The following MYOM1 variants were observed in gnomAD, a reference collection of about 807,000 sequenced individuals.
MYOM1 encodes the protein myomesin 1.
MYOM1 carries 164 observed loss-of-function variants against 205.3 expected under a neutral mutation model. The ratio of observed to expected loss-of-function variants is 0.80; its 90% CI spans 0.70 to 0.91. The LOEUF is 0.91. MYOM1 is among the 40% of genes least tolerant of loss of function. The pLI, the probability that MYOM1 is intolerant of heterozygous loss-of-function variation, is 0.00. For missense variants in MYOM1, 2,011 were observed against 2,127.3 expected, an observed-to-expected ratio of 0.95 and a Z score of 1.08; for synonymous variants, 772 against 789.4, an observed-to-expected ratio of 0.98 and a Z score of 0.37.
intron 2 of MYOM1, among the ~76,000 whole-genome samples, chr18:3,214,723 G>A (rs1275331263): frequency 1.3e-5 from 2 of 152,130 alleles, no homozygotes; most frequent in Non-Finnish European, 2.9e-5. Context: ...CTCGGGAGGC[G>A]GAGGCAGGAG....
In MYOM1 at chr18:3,215,175, A is replaced by C; in HGVS notation, c.49T>G (p.Tyr17Asp). 4.3e-6 allele frequency: 7 copies of C among 1,613,448 alleles called. No homozygotes were observed. ...GTGCTGCGCACGTCCTTGTTGCGGT[A>C]GCTGAGATCATAGTGCTGGTGGCAC... ...QRCHQHYDLS[Y>D]RNKDVRSTVS... Residue 17 changes from tyrosine (Y) to aspartate (D), a missense_variant, in exon 2 of 38, where the codon TAC (tyrosine) becomes GAC (aspartate). Transcript: ENST00000356443.
chr18:3,135,444 T>C lies in MYOM1; in HGVS notation c.2209+103A>G, dbSNP rs187990318. 4.7e-5 allele frequency: 47 copies of C among 1,006,728 alleles called. No homozygotes were observed. In the African/African-American group the frequency reaches 6.0e-4, roughly 13 times the overall value. 62.4% of individuals were successfully genotyped at this position (1,006,728 alleles called of 1,614,324 possible). A position where few individuals can be genotyped will look rare whatever the true frequency, so the allele number is the denominator to read the frequency against. ...ACAGCCATCGAGTAAATTTATAATATGAAAGAAGGATGTCACCATTTTTAC... is the reference window on the plus strand; with the variant it reads ...ACAGCCATCGAGTAAATTTATAATACGAAAGAAGGATGTCACCATTTTTAC... On this transcript the variant is annotated intron_variant, in intron 15 of 37. Coordinates refer to ENST00000356443, the MANE Select transcript of MYOM1 (RefSeq NM_003803.4). This position sits in a 1 kb window ranked among gnomAD's most constrained non-coding sequence, Gnocchi z 4.1.
In MYOM1 at chr18:3,119,890, C is replaced by CT; in HGVS notation, c.3096dup (p.Glu1033ArgfsTer16). The CT allele has an allele frequency of 6.2e-7, 1 of 1,611,108 alleles. No homozygotes were observed. The highest frequency in any genetic ancestry group is 8.5e-7 in the Non-Finnish European group (1 of 1,178,186). Reference sequence around the variant, plus strand: ...TTACCTGGGACGGCGATGGTCCACTCTTCACATTTGAAGCATTCGCTTACT... The same window carrying CT: ...TTACCTGGGACGGCGATGGTCCACTCTTTCACATTTGAAGCATTCGCTTACT... On this transcript the variant is annotated frameshift_variant, in exon 20 of 38. Transcript: ENST00000356443. LOFTEE classifies it high-confidence loss of function.
the MYOM1 span, among the ~76,000 whole-genome samples, chr18:3,225,066 C>A: frequency 1.3e-5 from 2 of 152,198 alleles, no homozygotes; most frequent in South Asian, 4.1e-4. Flanking sequence ...CAGCTCACTG[C>A]AAGCTCCACC....
rs187298227 is a variant in MYOM1, at chr18:3,185,473, C to T, written c.929+2007G>A. 7.9e-5 allele frequency among the ~76,000 whole-genome samples: 12 copies of T among 152,104 alleles called. No homozygotes were observed. In the East Asian group the frequency reaches 2.3e-3, roughly 29 times the overall value. The stretch of plus-strand genomic sequence containing the variant: ...ATTCATGAAAGAAGAAATATTTTTA[C>T]TAATATTTCTTGCAGCCAAAAATTT... On this transcript the variant is annotated intron_variant, in intron 5 of 37. Coordinates refer to ENST00000356443, the MANE Select transcript of MYOM1 (RefSeq NM_003803.4).
At chr18:3,193,323 C>T (rs28411012) in intron 3 of MYOM1, among the ~76,000 whole-genome samples, 3 of 144,666 alleles carry the variant, frequency 2.1e-5, no homozygotes, top group Admixed American at 6.9e-5. Context: ...TGTATATGTA[C>T]ATATACATAT....
intron 9 of MYOM1, among the ~76,000 whole-genome samples, chr18:3,164,844 G>C (rs981580878): frequency 3.3e-5 from 5 of 152,100 alleles, no homozygotes; most frequent in Non-Finnish European, 7.4e-5. Context: ...ATAATAATAC[G>C]TTACTAGTAG....
At chr18:3,238,954 G>A in the MYOM1 span, among the ~76,000 whole-genome samples, 2 of 152,132 alleles carry the variant, frequency 1.3e-5, no homozygotes, top group Non-Finnish European at 2.9e-5. Context: ...TTGTGGCAAC[G>A]CTGGGTATAC....
intron 5 of MYOM1, among the ~76,000 whole-genome samples, chr18:3,185,107 G>T (rs61266173): frequency 0.013 from 1,928 of 152,188 alleles, 37 homozygotes; most frequent in African/African-American, 0.044. Flanking sequence ...CATTCTTTTT[G>T]TTTTTGTTTT....
chr18:3,164,970 A>G (rs1024675102), intron 9 of MYOM1, among the ~76,000 whole-genome samples: 6 of 152,354 alleles, frequency 3.9e-5, no homozygotes, highest in South Asian at 2.1e-4. Context: ...CAAAAGCAAC[A>G]TCAGTAACTA....
chr18:3,101,989 ATTTTTTTTTTTTTT>A (rs35882298), intron 23 of MYOM1, among the ~76,000 whole-genome samples: 2 of 55,830 alleles, frequency 3.6e-5, no homozygotes, highest in African/African-American at 1.7e-4. Flanking sequence ...TCAGTCTGGG[ATTTTTTTTTTTTTT>A]TTTTTTTTTT....
At chr18:3,144,444 C>G (rs1201739738) in intron 13 of MYOM1, among the ~76,000 whole-genome samples, 1 of 151,700 alleles carries the variant, frequency 6.6e-6, no homozygotes. Context: ...TAGATGGAAA[C>G]CAAATAGCAA....
At chr18:3,089,445 T>C in intron 28 of MYOM1, 92 bp downstream of exon 28, 1 of 963,206 alleles carries the variant, frequency 1.0e-6, no homozygotes, top group African/African-American at 1.7e-5. Flanking sequence ...ACATAATCAA[T>C]AATATTCATT....
intron 10 of MYOM1, among the ~76,000 whole-genome samples, chr18:3,162,076 A>AGT (rs1287572395): frequency 5.9e-5 from 9 of 152,180 alleles, no homozygotes; most frequent in Non-Finnish European, 1.3e-4. Context: ...GACTCTATTT[A>AGT]GTGTAAGAGA....
chr18:3,201,560 G>A (rs1304275374), intron 2 of MYOM1, among the ~76,000 whole-genome samples: 2 of 151,488 alleles, frequency 1.3e-5, no homozygotes, highest in South Asian at 4.2e-4. Flanking sequence ...ATGTATATAA[G>A]TTTATACACA....
chr18:3,239,309 C>CAGAT, the MYOM1 span, among the ~76,000 whole-genome samples: 3 of 152,124 alleles, frequency 2.0e-5, no homozygotes, highest in Non-Finnish European at 4.4e-5. Context: ...TGCATGAAGA[C>CAGAT]AGATGTTGGC....
chr18:3,141,075 G>A lies in MYOM1; in HGVS notation c.2025+864C>T, dbSNP rs145457009. On this transcript the variant is annotated intron_variant, in intron 14 of 37. Transcript: ENST00000356443. ...TTTAAGCAAATTCTCTTTAAATGTCGTTTTCCAGTAGCAATGATCCTGTTA... is the reference window on the plus strand; with the variant it reads ...TTTAAGCAAATTCTCTTTAAATGTCATTTTCCAGTAGCAATGATCCTGTTA... Among the ~76,000 whole-genome samples the A allele has an allele frequency of 8.2e-4, 125 of 152,154 alleles. 3 individuals carry two copies. In the East Asian group the frequency reaches 0.023, roughly 28 times the overall value.
At position 3,094,257 on chromosome 18, in the gene MYOM1, C is replaced by T. The variant is rs2143726566; in HGVS notation, c.3777G>A (p.Gln1259=). ...TCTCAGCCTGCATCCAAAACCGGAC[C>T]TGGCCTTTCTCCAAAATTTCAACTG... ...ELAVEILEKG[Q]VRFWMQAEKL... The change falls in exon 26 of 38, where the codon CAG becomes CAA. Residue 1259 remains glutamine, a synonymous_variant. Coordinates refer to ENST00000356443, the MANE Select transcript of MYOM1 (RefSeq NM_003803.4). 1.2e-6 allele frequency: 2 copies of T among 1,613,874 alleles called. No homozygotes were observed. The highest frequency in any genetic ancestry group is 1.7e-6 in the Non-Finnish European group (2 of 1,179,836).
rs767538702 is a variant in MYOM1, at chr18:3,067,237, C to T, written c.*25G>A. 8.4e-5 allele frequency: 131 copies of T among 1,561,716 alleles called. No homozygotes were observed. In the Middle Eastern group the frequency reaches 9.1e-4, roughly 11 times the overall value. On this transcript the variant is annotated 3_prime_UTR_variant, in exon 38 of 38. Transcript: ENST00000356443. ...CCATTCACACCCAAGTCACACAGGC[C>T]GGCTGGCTCTCCTCGCACCTCCGGT...
Sources: allele counts gnomAD v4.1 joint callset (sites outside exome capture counted in the v4.1 genomes callset), GRCh38; gene constraint gnomAD v4.1.1; non-coding constraint Gnocchi (gnomAD v3.1); transcripts MANE v1.5; gene names NCBI Gene and HGNC (gene_info 2026-07-23, HGNC 2026-07-21).